CDH18: variants seen among roughly 807,000 people sequenced by gnomAD.
CDH18 encodes the protein cadherin-18.
CDH18 carries 31 observed loss-of-function variants against 67.9 expected under a neutral mutation model. That is an observed-to-expected ratio of 0.46 (90% CI 0.34 to 0.62). The LOEUF is 0.62. Among genes scored for constraint, CDH18 ranks in the 20% least tolerant of loss-of-function variants. The probability of loss-of-function intolerance (pLI) is 0.01; values close to 1 mark genes in which losing one functional copy is unlikely to be tolerated. For synonymous variants in CDH18, 362 were observed against 347.2 expected (o/e 1.04, Z -0.48); for missense variants, 890 against 975.5 (o/e 0.91, Z 1.17).
intron 1 of CDH18, among the ~76,000 whole-genome samples, chr5:20,387,338 G>C (rs1744393001): frequency 6.6e-6 from 1 of 152,090 alleles, no homozygotes; most frequent in South Asian, 2.1e-4. Context: ...AACTGTGAAT[G>C]GGAGTTCACT....
chr5:20,325,569 T>G (rs1190758629), intron 1 of CDH18, among the ~76,000 whole-genome samples: 2 of 152,122 alleles, frequency 1.3e-5, no homozygotes, highest in Non-Finnish European at 2.9e-5. Context: ...CTTAGGGATC[T>G]TTTCACTATC....
At chr5:20,073,185 T>A (rs1743634325) in intron 2 of CDH18, among the ~76,000 whole-genome samples, 1 of 152,022 alleles carries the variant, frequency 6.6e-6, no homozygotes, top group Non-Finnish European at 1.5e-5. Context: ...GATGAGAGTA[T>A]CATTTTCAAA....
chr5:19,758,885 A>C (rs1771977405), intron 3 of CDH18, among the ~76,000 whole-genome samples: 1 of 152,212 alleles, frequency 6.6e-6, no homozygotes, highest in Admixed American at 6.5e-5. Context: ...GATCAGCACA[A>C]TGTCACCAAT....
At chr5:20,427,453 A>G (rs1368839455) in intron 1 of CDH18, among the ~76,000 whole-genome samples, 1 of 151,308 alleles carries the variant, frequency 6.6e-6, no homozygotes, top group Admixed American at 6.6e-5. Flanking sequence ...TGAAACATAT[A>G]TGATACATTA....
At chr5:19,696,440 G>A (rs982392350) in intron 5 of CDH18, among the ~76,000 whole-genome samples, 9 of 151,916 alleles carry the variant, frequency 5.9e-5, no homozygotes, top group Non-Finnish European at 1.2e-4. Context: ...GGAGGCTGAG[G>A]CAGGAGAATG....
chr5:19,792,643 GT>G (rs1776479422), intron 3 of CDH18, among the ~76,000 whole-genome samples: 1 of 152,054 alleles, frequency 6.6e-6, no homozygotes, highest in Non-Finnish European at 1.5e-5. Flanking sequence ...AGAAATAAAG[GT>G]AATTTTATGT....
chr5:19,635,249 A>G (rs546630528), intron 5 of CDH18, among the ~76,000 whole-genome samples: 2 of 152,314 alleles, frequency 1.3e-5, no homozygotes, highest in East Asian at 3.9e-4. Context: ...TAGAAAATCC[A>G]TCTAATCACA....
intron 11 of CDH18, among the ~76,000 whole-genome samples, chr5:19,486,800 A>C (rs907900333): frequency 6.7e-6 from 1 of 149,712 alleles, no homozygotes; most frequent in African/African-American, 2.4e-5. Context: ...GTCTCTAAAT[A>C]AATAAATAAA....
At chr5:20,408,434 AGT>A (rs1211178827) in intron 1 of CDH18, among the ~76,000 whole-genome samples, 1 of 152,020 alleles carries the variant, frequency 6.6e-6, no homozygotes, top group African/African-American at 2.4e-5. Context: ...AAAGAGATAA[AGT>A]GTGACATCAT....
intron 2 of CDH18, among the ~76,000 whole-genome samples, chr5:20,016,076 T>C (rs1737850206): frequency 6.6e-6 from 1 of 152,086 alleles, no homozygotes; most frequent in South Asian, 2.1e-4. Flanking sequence ...TACCCATCAA[T>C]AGCAGACTGG....
At chr5:19,899,229 G>C (rs150409938) in intron 2 of CDH18, among the ~76,000 whole-genome samples, 1 of 151,920 alleles carries the variant, frequency 6.6e-6, no homozygotes, top group Admixed American at 6.6e-5. Flanking sequence ...GAGAAACCCC[G>C]CCTCTACTAA....
intron 3 of CDH18, among the ~76,000 whole-genome samples, chr5:19,796,562 T>C (rs1434250088): frequency 1.3e-5 from 2 of 152,074 alleles, no homozygotes; most frequent in Admixed American, 6.6e-5. Context: ...AGACATACCT[T>C]ATTGGTTGGC....
chr5:19,708,432 T>C (rs901924834), intron 5 of CDH18, among the ~76,000 whole-genome samples: 2 of 152,128 alleles, frequency 1.3e-5, no homozygotes, highest in Non-Finnish European at 2.9e-5. Flanking sequence ...CTGCCTTTGC[T>C]TTTATCATCT....
chr5:19,987,966 C>T (rs959318410), intron 1 of CDH18, 120 bp downstream of exon 1: 5 of 152,160 alleles, frequency 3.3e-5, no homozygotes, highest in Admixed American at 2.6e-4. Context: ...CCTGTGAAAC[C>T]CATCGGAGAT....
intron 1 of CDH18, among the ~76,000 whole-genome samples, chr5:20,330,712 C>G (rs946242692): frequency 6.6e-6 from 1 of 152,094 alleles, no homozygotes; most frequent in East Asian, 1.9e-4. Context: ...CAGCCCACAC[C>G]AAGGGAAGAA....
At chr5:20,385,134 G>A (rs1465167808) in intron 1 of CDH18, among the ~76,000 whole-genome samples, 1 of 152,076 alleles carries the variant, frequency 6.6e-6, no homozygotes, top group Admixed American at 6.6e-5. Flanking sequence ...ACCACACCTG[G>A]CCTTGTTAGG....
At chr5:20,038,072 C>T (rs143760489) in intron 2 of CDH18, among the ~76,000 whole-genome samples, 259 of 152,210 alleles carry the variant, frequency 1.7e-3, no homozygotes, top group African/African-American at 6.1e-3. Flanking sequence ...CTGTAAACAC[C>T]TCTACACAAA....
At chr5:19,501,471 A>C (rs1743234127) in intron 11 of CDH18, among the ~76,000 whole-genome samples, 1 of 149,860 alleles carries the variant, frequency 6.7e-6, no homozygotes, top group African/African-American at 2.4e-5. Context: ...CAAACAAAAA[A>C]CTAGCCAGGC....
intron 2 of CDH18, among the ~76,000 whole-genome samples, chr5:19,904,364 A>T (rs1579517709): frequency 1.6e-5 from 1 of 62,492 alleles, no homozygotes; most frequent in South Asian, 5.7e-4. Context: ...GGGGAAGGGA[A>T]GGGGTGGAGA....
Sources: gnomAD v4.1 joint callset for allele counts (sites outside exome capture counted in the v4.1 genomes callset) on GRCh38, gnomAD v4.1.1 for gene constraint, MANE v1.5 for transcripts, NCBI Gene and HGNC (gene_info 2026-07-23, HGNC 2026-07-21) for gene names.